Variants in SBNO2 observed in about 807,000 individuals in gnomAD.
SBNO2 encodes the protein protein strawberry notch homolog 2.
SBNO2 carries 89 observed loss-of-function variants against 146.3 expected under a neutral mutation model. That is an observed-to-expected ratio of 0.61 (90% confidence interval 0.51 to 0.73). The LOEUF is 0.73. SBNO2 is among the 30% of genes least tolerant of loss of function. SBNO2 has a pLI of 0.00. For missense variants in SBNO2, 2,092 were observed against 2,003.7 expected (o/e 1.04, Z -0.84); for synonymous variants, 1,147 against 892.6 (o/e 1.29, Z -5.08).
chr19:1,143,889 T>C (rs1051898163), intron 4 of SBNO2, among the ~76,000 whole-genome samples: 2 of 152,168 alleles, frequency 1.3e-5, no homozygotes, highest in African/African-American at 4.8e-5. Context: ...CATCTGCAGG[T>C]CCCGTCTGCC....
At chr19:1,128,560 T>C (rs2079993857) in intron 4 of SBNO2, among the ~76,000 whole-genome samples, 1 of 151,804 alleles carries the variant, frequency 6.6e-6, no homozygotes, top group Non-Finnish European at 1.5e-5. Flanking sequence ...GCCCAGCTAA[T>C]TTTTGTATTT....
At chr19:1,160,279 C>T (rs906913176) in intron 1 of SBNO2, among the ~76,000 whole-genome samples, 6 of 152,166 alleles carry the variant, frequency 3.9e-5, no homozygotes, top group Non-Finnish European at 7.4e-5. Flanking sequence ...GTCCCCAGGC[C>T]CTCATGGGCA....
chr19:1,108,438 C>CG lies in SBNO2; in HGVS notation c.3882dup (p.Asp1295ArgfsTer77). 2 of 1,247,288 alleles carry CG rather than the reference C, an allele frequency of 1.6e-6. No individual in the cohort carries two copies. The highest frequency in any genetic ancestry group is 2.0e-6 in the Non-Finnish European group (2 of 990,508). The allele number at this position is 1,247,288 out of a possible 1,614,324, so 77.3% of individuals were successfully genotyped here. A position where few individuals can be genotyped will look rare whatever the true frequency, so the allele number is the denominator to read the frequency against. ...AGGGCCGCAGGGTCGGCCTGGGCGT[C>CG]GGGGGTGCCCAGCGGCACGACGCCG... is the stretch of plus-strand genomic sequence containing the variant. On this transcript the variant is annotated frameshift_variant, in exon 32 of 32. Coordinates refer to ENST00000361757, the MANE Select transcript of SBNO2 (RefSeq NM_014963.3). LOFTEE classifies it low-confidence loss of function (END_TRUNC).
intron 11 of SBNO2, chr19:1,120,244 G>C (rs997059486): frequency 3.6e-6 from 2 of 562,954 alleles, no homozygotes; most frequent in Admixed American, 3.1e-5. Context: ...GCCTGGGATG[G>C]CTCCTCCCAG....
In SBNO2 at chr19:1,109,535, G is replaced by T; in HGVS notation, c.3187C>A (p.Pro1063Thr). 6.2e-7 allele frequency: 1 copy of T among 1,601,478 alleles called. No individual in the cohort carries two copies. The highest frequency in any genetic ancestry group is 8.5e-7 in the Non-Finnish European group (1 of 1,175,232). Residue 1063 changes from proline to threonine, a missense_variant, in exon 28 of 32, where the codon CCC becomes ACC. Transcript: ENST00000361757. This position sits in a 1 kb window ranked among gnomAD's most constrained non-coding sequence, Gnocchi z 4.2. ...AFAKSLALTG[P>T]YDGFYLSYKV... ...TAGGAGAGGTAGAAGCCGTCATAGG[G>T]GCCCGTCAGCGCCAGCGACTTGGCA...
At chr19:1,116,967 T>C (rs1032883779) in intron 15 of SBNO2, 41 bp from the exon 16 acceptor site, 2 of 1,513,958 alleles carry the variant, frequency 1.3e-6, no homozygotes, top group South Asian at 2.4e-5. Context: ...AGCCCTGCTG[T>C]GGGGCCTCTG....
In SBNO2 at chr19:1,127,627, G is replaced by A. The variant is rs1269969567; in HGVS notation, c.418C>T (p.Pro140Ser). ...NQVSTIWDDNPAPSTHDKLFQ... is the reference protein window; with the variant it reads ...NQVSTIWDDNSAPSTHDKLFQ... ...ACCTTATCGTGGGTGGAGGGGGCAGGGTTATCGTCCCAGATGGTGGACACC... is the reference window on the plus strand; with the variant it reads ...ACCTTATCGTGGGTGGAGGGGGCAGAGTTATCGTCCCAGATGGTGGACACC... The change falls in exon 5 of 32, where the codon CCT becomes TCT. Residue 140 changes from proline (P) to serine (S), a missense_variant. By Grantham distance (74) the Pro-to-Ser change is moderately conservative. Transcript: ENST00000361757. 3 of 1,613,104 alleles carry A rather than the reference G, an allele frequency of 1.9e-6. No homozygotes were observed. The highest frequency in any genetic ancestry group is 2.5e-6 in the Non-Finnish European group (3 of 1,179,884).
intron 4 of SBNO2, among the ~76,000 whole-genome samples, chr19:1,138,330 G>C (rs1433257421): frequency 2.0e-5 from 3 of 151,688 alleles, no homozygotes; most frequent in Admixed American, 2.0e-4. Flanking sequence ...TGGGCCTGGA[G>C]CAGGGGACCC....
At chr19:1,165,579 C>G (rs182539149) in intron 1 of SBNO2, among the ~76,000 whole-genome samples, 1 of 152,152 alleles carries the variant, frequency 6.6e-6, no homozygotes, top group Non-Finnish European at 1.5e-5. Flanking sequence ...GGGAACCAGA[C>G]CCCAGATCCC....
intron 1 of SBNO2, 55 bp downstream of exon 1, chr19:1,174,117 G>C (rs977395881): frequency 6.6e-6 from 1 of 151,074 alleles, no homozygotes; most frequent in Non-Finnish European, 1.5e-5. Flanking sequence ...AAGCGGGGTC[G>C]GGCCAGGCAG....
chr19:1,132,113 G>A, intron 4 of SBNO2: 1 of 1,538,274 alleles, frequency 6.5e-7, no homozygotes, highest in Non-Finnish European at 8.7e-7. Flanking sequence ...TCAAACTGCA[G>A]CCACAGCTGC....
At position 1,109,082 on chromosome 19, in the gene SBNO2, G is replaced by A. The variant is rs1467449339; in HGVS notation, c.3425+53C>T. On this transcript the variant is annotated intron_variant, in intron 30 of 31. Coordinates refer to ENST00000361757, the MANE Select transcript of SBNO2 (RefSeq NM_014963.3). The surrounding 1 kb of genome is among the most constrained non-coding windows in gnomAD (Gnocchi z 4.2). ...AGGGTCTCGGGAGCCCCCGATCCCC[G>A]CCTGGGTCGCCGCCATCTGCCGGTT... 56 of 1,538,090 alleles carry A rather than the reference G, an allele frequency of 3.6e-5. No individual in the cohort carries two copies. The highest frequency in any genetic ancestry group is 4.8e-5 in the Non-Finnish European group (55 of 1,142,034).
intron 4 of SBNO2, 57 bp downstream of exon 4, chr19:1,147,252 G>T: frequency 1.7e-6 from 2 of 1,183,418 alleles, no homozygotes; most frequent in South Asian, 1.3e-5. Flanking sequence ...GCAGCTGGAG[G>T]GGCGGCCCAG....
At chr19:1,160,045 G>A (rs983835766) in intron 1 of SBNO2, among the ~76,000 whole-genome samples, 3 of 152,074 alleles carry the variant, frequency 2.0e-5, no homozygotes, top group Non-Finnish European at 2.9e-5. Context: ...CCCGCCACGC[G>A]GCCACATTCC....
rs1447172671 is a variant in SBNO2 at position 1,122,265 on chromosome 19, G to C, written c.1023C>G (p.Thr341=). 6.4e-7 allele frequency: 1 copy of C among 1,572,828 alleles called. No homozygotes were observed. The highest frequency in any genetic ancestry group is 2.3e-5 in the East Asian group (1 of 43,898). ...HALSKIKYGD[T]TTSEGVLFAT... The stretch of plus-strand genomic sequence containing the variant: ...CGAAGAGGACGCCCTCTGAGGTAGT[G>C]GTGTCACCGTACTTGATCTGGGGAT... Residue 341 remains threonine, a synonymous_variant, in exon 11 of 32, where the codon ACC becomes ACG. Coordinates refer to ENST00000361757, the MANE Select transcript of SBNO2 (RefSeq NM_014963.3).
rs185931737 is a variant in SBNO2, at chr19:1,130,445, T to C, written c.280-2680A>G. On this transcript the variant is annotated intron_variant, in intron 4 of 31. Coordinates refer to ENST00000361757, the MANE Select transcript of SBNO2 (RefSeq NM_014963.3). ...TGGTCGAGGCTGCAGTGAGCTATAA[T>C]TGCGCCACTGCACGCCAGCCTGGGA... is the stretch of plus-strand genomic sequence containing the variant. Among the ~76,000 whole-genome samples, 344 of 152,114 alleles carry C rather than the reference T, an allele frequency of 2.3e-3. 2 individuals are homozygous for C. The highest frequency in any genetic ancestry group is 4.0e-3 in the Non-Finnish European group (271 of 67,980).
chr19:1,112,116 T>C lies in SBNO2; in HGVS notation c.2629-49A>G. 6.2e-7 allele frequency: 1 copy of C among 1,607,372 alleles called. No individual in the cohort carries two copies. The highest frequency in any genetic ancestry group is 8.5e-7 in the Non-Finnish European group (1 of 1,176,690). On this transcript the variant is annotated intron_variant, in intron 22 of 31. Coordinates refer to ENST00000361757, the MANE Select transcript of SBNO2 (RefSeq NM_014963.3). This position sits in a 1 kb window ranked among gnomAD's most constrained non-coding sequence, Gnocchi z 5.9. ...AGTTGGTCACCTGGGGTCTGGCCTCTAGCACCCCACAAAGCTTTGGAGAGC... is the reference window on the plus strand; with the variant it reads ...AGTTGGTCACCTGGGGTCTGGCCTCCAGCACCCCACAAAGCTTTGGAGAGC...
intron 5 of SBNO2, among the ~76,000 whole-genome samples, chr19:1,127,111 G>GCACCATGGGGCTGGATGC (rs144547195): frequency 0.04 from 6,158 of 152,224 alleles, 434 homozygotes; most frequent in African/African-American, 0.14. Context: ...GCTGACCCAG[G>GCACCATGGGGCTGGATGC]CACCATGGGG....
intron 1 of SBNO2, among the ~76,000 whole-genome samples, chr19:1,166,598 C>T (rs1022144167): frequency 2.2e-5 from 3 of 136,172 alleles, no homozygotes; most frequent in Non-Finnish European, 4.7e-5. Flanking sequence ...GGCAACAGAG[C>T]GAGACCGCAA....
Sources: allele counts gnomAD v4.1 joint callset (sites outside exome capture counted in the v4.1 genomes callset), GRCh38; gene constraint gnomAD v4.1.1; non-coding constraint Gnocchi (gnomAD v3.1); transcripts MANE v1.5; gene names NCBI Gene and HGNC (gene_info 2026-07-23, HGNC 2026-07-21).